The following TNS3 variants were observed in gnomAD, a reference collection of about 807,000 sequenced individuals.
TNS3 encodes tensin 3.
Under a neutral mutation model 140.9 loss-of-function variants are expected in TNS3, and 45 were observed. The observed-to-expected ratio is 0.32, with a 90% CI of 0.25 to 0.41. TNS3 has a LOEUF of 0.41. Among genes scored for constraint, TNS3 ranks in the 10% least tolerant of loss-of-function variants. The pLI, the probability that TNS3 is intolerant of heterozygous loss-of-function variation, is 1.00. For missense variants in TNS3, 1,716 were observed against 1,906.7 expected (o/e 0.90, Z 1.86); for synonymous variants, 815 against 788.4 (o/e 1.03, Z -0.56).
intron 4 of TNS3, among the ~76,000 whole-genome samples, chr7:47,461,880 T>C (rs548834654): frequency 7.9e-5 from 12 of 152,304 alleles, no homozygotes; most frequent in Admixed American, 6.5e-4. Flanking sequence ...TCCAGAGGAT[T>C]TCTATGCTCC....
At chr7:47,463,613 G>A (rs747770591) in intron 4 of TNS3, among the ~76,000 whole-genome samples, 31 of 152,136 alleles carry the variant, frequency 2.0e-4, no homozygotes, top group Non-Finnish European at 4.1e-4. Flanking sequence ...ATTTTAAACA[G>A]CATAATCAAC....
At position 47,478,768 on chromosome 7, in the gene TNS3, A is replaced by G. The variant is rs79080274; in HGVS notation, c.-76+2335T>C. The stretch of plus-strand genomic sequence containing the variant: ...GTATTCATGTGTTGACACATGTATA[A>G]CATACATATTCATTTGTGTGCGTAT... On this transcript the variant is annotated intron_variant, in intron 4 of 30. Transcript: ENST00000311160. Among the ~76,000 whole-genome samples the G allele has an allele frequency of 4.2e-4, 64 of 152,232 alleles. No individual in the cohort carries two copies. In the East Asian group the frequency reaches 0.012, roughly 29 times the overall value.
chr7:47,292,779 G>A, intron 26 of TNS3, 49 bp downstream of exon 26: 1 of 1,518,360 alleles, frequency 6.6e-7, no homozygotes. Flanking sequence ...CGGTGGCCTT[G>A]ACTGCAGACA....
chr7:47,526,029 G>C (rs768909873), intron 2 of TNS3, among the ~76,000 whole-genome samples: 5 of 152,232 alleles, frequency 3.3e-5, no homozygotes, highest in Non-Finnish European at 2.9e-5. Flanking sequence ...GATAAAGAAA[G>C]AAGACAGGCT....
chr7:47,556,768 G>C, intron 1 of TNS3, among the ~76,000 whole-genome samples: 1 of 152,360 alleles, frequency 6.6e-6, no homozygotes, highest in African/African-American at 2.4e-5. Context: ...CAGGCCAGAC[G>C]CTGCCCGCTC....
At chr7:47,443,562 A>G (rs889998029) in intron 4 of TNS3, among the ~76,000 whole-genome samples, 1 of 152,224 alleles carries the variant, frequency 6.6e-6, no homozygotes, top group Non-Finnish European at 1.5e-5. Flanking sequence ...AACATTTTTT[A>G]AAGTTTTGAT....
chr7:47,577,243 A>G (rs1800696377), intron 1 of TNS3, among the ~76,000 whole-genome samples: 1 of 152,236 alleles, frequency 6.6e-6, no homozygotes, highest in Non-Finnish European at 1.5e-5. Context: ...AAAGATTCCT[A>G]AAGATTCTTC....
rs56823708 is a variant in TNS3 at position 47,361,206 on chromosome 7, C to CAAAAAAA, written c.2281+7152_2281+7158dup. Among the ~76,000 whole-genome samples, 231 of 47,120 alleles carry CAAAAAAA rather than the reference C, an allele frequency of 4.9e-3. 18 individuals carry two copies. Among genetic ancestry groups the CAAAAAAA allele is most frequent in the East Asian group, 0.012 (21 of 1,690 alleles). 30.9% of individuals were successfully genotyped at this position (47,120 alleles called of 152,430 possible). ...TCTTCTGGTAAGACAGTAACCATGC[C>CAAAAAAA]AAAAAAAAAAAAAAAAAACAAGCAA... is the stretch of plus-strand genomic sequence containing the variant. On this transcript the variant is annotated intron_variant, in intron 17 of 30. Transcript: ENST00000311160.
At chr7:47,546,922 C>A (rs57896311) in intron 1 of TNS3, among the ~76,000 whole-genome samples, 1 of 152,222 alleles carries the variant, frequency 6.6e-6, no homozygotes, top group Non-Finnish European at 1.5e-5. Context: ...CAAAGACAGA[C>A]GCCAGGTTTT....
At chr7:47,422,220 C>G (rs1264108168) in intron 10 of TNS3, among the ~76,000 whole-genome samples, 1 of 152,122 alleles carries the variant, frequency 6.6e-6, no homozygotes, top group Non-Finnish European at 1.5e-5. Flanking sequence ...AGGGATTAAC[C>G]TTGGAATGTA....
chr7:47,581,891 TGTCTCCGCGCTCCCCGAACTCA>T (rs921840653), intron 1 of TNS3, among the ~76,000 whole-genome samples, 138 bp downstream of exon 1: 11 of 147,130 alleles, frequency 7.5e-5, no homozygotes, highest in African/African-American at 2.0e-4. Flanking sequence ...CCCCGAACTC[TGTCTCCGCGCTCCCCGAACTCA>T]GTCCCCGCGC....
intron 4 of TNS3, chr7:47,470,587 C>T: frequency 1.0e-6 from 1 of 985,402 alleles, no homozygotes; most frequent in African/African-American, 1.7e-5. Context: ...CCTGACCTGG[C>T]CCACCTGTCA....
intron 1 of TNS3, among the ~76,000 whole-genome samples, chr7:47,565,027 A>G (rs1338097275): frequency 6.6e-6 from 1 of 152,138 alleles, no homozygotes; most frequent in African/African-American, 2.4e-5. Flanking sequence ...ATCCTTAACC[A>G]GTAGAGCAGG....
At chr7:47,401,695 G>T (rs12673398) in intron 13 of TNS3, among the ~76,000 whole-genome samples, 4,676 of 152,342 alleles carry the variant, frequency 0.031, 88 homozygotes, top group East Asian at 0.076. Context: ...TGACCTGCCT[G>T]TATAACTAGG....
chr7:47,516,570 C>G (rs896822274), intron 2 of TNS3, among the ~76,000 whole-genome samples: 8 of 151,874 alleles, frequency 5.3e-5, no homozygotes, highest in African/African-American at 1.9e-4. Context: ...GCCTCTACCC[C>G]GTTCTACACC....
intron 23 of TNS3, among the ~76,000 whole-genome samples, chr7:47,300,470 G>A (rs565363804): frequency 1.1e-4 from 17 of 152,294 alleles, no homozygotes; most frequent in African/African-American, 2.4e-4. Context: ...TCTACCAGGC[G>A]CCAGCAAGGG....
At chr7:47,446,918 G>A (rs937368325) in intron 4 of TNS3, among the ~76,000 whole-genome samples, 2 of 151,368 alleles carry the variant, frequency 1.3e-5, no homozygotes, top group African/African-American at 2.4e-5. Flanking sequence ...CTGCTCTGAC[G>A]CTCAAGCAAT....
intron 3 of TNS3, among the ~76,000 whole-genome samples, chr7:47,489,971 G>A (rs1031958142): frequency 4.6e-5 from 7 of 152,144 alleles, no homozygotes; most frequent in African/African-American, 7.2e-5. Context: ...ACAGTCCTAC[G>A]CCTTATCTTT....
At chr7:47,362,754 T>A (rs969836081) in intron 17 of TNS3, among the ~76,000 whole-genome samples, 2 of 147,564 alleles carry the variant, frequency 1.4e-5, no homozygotes, top group Admixed American at 1.3e-4. Context: ...ATCATCACAG[T>A]CATCACCGTC....
Sources: gnomAD v4.1 joint callset for allele counts (sites outside exome capture counted in the v4.1 genomes callset) on GRCh38, gnomAD v4.1.1 for gene constraint, MANE v1.5 for transcripts, NCBI Gene and HGNC (gene_info 2026-07-23, HGNC 2026-07-21) for gene names.